The following MOB1B variants were observed in gnomAD, a reference collection of about 807,000 sequenced individuals.
MOB1B encodes the protein MOB kinase activator 1B, also known as MOB1 Mps One Binder homolog B.
In MOB1B, 19 loss-of-function variants were observed where a neutral mutation model predicts 24.4. The ratio of observed to expected loss-of-function variants is 0.78; its 90% CI spans 0.54 to 1.14. The LOEUF (loss-of-function observed/expected upper bound fraction) is 1.14, where lower values mean the gene tolerates loss of function less well. Ranked by LOEUF, MOB1B falls within the 50% of genes most tolerant of loss-of-function variation. The probability of loss-of-function intolerance (pLI) is 0.00; values close to 1 mark genes in which losing one functional copy is unlikely to be tolerated. For synonymous variants in MOB1B, 76 were observed against 82.1 expected (o/e 0.93, Z 0.40); for missense variants, 243 against 259.6 (o/e 0.94, Z 0.44).
chr4:70,934,527 C>T (rs957125437), intron 1 of MOB1B, among the ~76,000 whole-genome samples: 4 of 151,978 alleles, frequency 2.6e-5, no homozygotes. Flanking sequence ...GATCTTGGCT[C>T]ACTGCAACCT....
At chr4:70,916,761 G>T (rs1194860032) in intron 1 of MOB1B, among the ~76,000 whole-genome samples, 1 of 152,076 alleles carries the variant, frequency 6.6e-6, no homozygotes, top group Non-Finnish European at 1.5e-5. Context: ...TAGAGACGGG[G>T]TTTCACCATG....
At chr4:70,927,650 G>A (rs1355190355) in intron 1 of MOB1B, among the ~76,000 whole-genome samples, 6 of 152,172 alleles carry the variant, frequency 3.9e-5, no homozygotes, top group Non-Finnish European at 7.3e-5. Flanking sequence ...TTAGTCAGAT[G>A]CTGTTTTTAT....
chr4:70,961,780 A>G lies in MOB1B; in HGVS notation c.181+2740A>G, dbSNP rs1738314938. 2.0e-5 allele frequency among the ~76,000 whole-genome samples: 3 copies of G among 152,354 alleles called. No individual in the cohort carries two copies. The South Asian group carries it at 6.2e-4, about 32-fold the overall frequency. On this transcript the variant is annotated intron_variant, in intron 2 of 5. Transcript: ENST00000309395. Reference sequence around the variant, plus strand: ...GAATAGGGTTGGAGTCAGGACAGATACTTCCAGTCACTGGCAGTGATTCAG... The same window carrying G: ...GAATAGGGTTGGAGTCAGGACAGATGCTTCCAGTCACTGGCAGTGATTCAG...
At chr4:70,911,775 C>G (rs1269739307) in intron 1 of MOB1B, among the ~76,000 whole-genome samples, 1 of 152,106 alleles carries the variant, frequency 6.6e-6, no homozygotes, top group East Asian at 1.9e-4. Context: ...CTACATGTTA[C>G]TTGAAAAATA....
rs114530250 is a variant in MOB1B at position 70,946,430 on chromosome 4, G to A, written c.15-12444G>A. On this transcript the variant is annotated intron_variant, in intron 1 of 5. Transcript: ENST00000309395. ...ATCTAAGAGAAGACTCATATCCCTC[G>A]TAACCCACGATCTAGTGAAAGAGAG... 7.5e-3 allele frequency among the ~76,000 whole-genome samples: 1,139 copies of A among 152,132 alleles called. 13 individuals carry two copies. Among genetic ancestry groups the A allele is most frequent in the African/African-American group, 0.026 (1,099 of 41,492 alleles).
chr4:70,949,387 T>C (rs1208258616), intron 1 of MOB1B, among the ~76,000 whole-genome samples: 1 of 152,250 alleles, frequency 6.6e-6, no homozygotes, highest in South Asian at 2.1e-4. Context: ...TCATAGCTTT[T>C]AGCCTTTAGC....
At chr4:70,937,757 C>T (rs2148882835) in intron 1 of MOB1B, among the ~76,000 whole-genome samples, 1 of 151,964 alleles carries the variant, frequency 6.6e-6, no homozygotes, top group Non-Finnish European at 1.5e-5. Flanking sequence ...AACTCCTGAC[C>T]TCAGGCCGTC....
chr4:70,940,971 C>G (rs1264696466), intron 1 of MOB1B, among the ~76,000 whole-genome samples: 3 of 152,114 alleles, frequency 2.0e-5, no homozygotes, highest in African/African-American at 7.2e-5. Flanking sequence ...CCACGCCCGG[C>G]CCGGCATTAA....
chr4:70,939,829 T>C (rs1329617487), intron 1 of MOB1B, among the ~76,000 whole-genome samples: 1 of 152,216 alleles, frequency 6.6e-6, no homozygotes, highest in Admixed American at 6.5e-5. Context: ...AGTTCTTGCC[T>C]TGGTGTACAG....
chr4:70,919,259 G>A (rs1489372558), intron 1 of MOB1B, among the ~76,000 whole-genome samples: 1 of 151,016 alleles, frequency 6.6e-6, no homozygotes, highest in African/African-American at 2.4e-5. Context: ...GTATACATAA[G>A]TAACAAACCT....
chr4:70,906,866 G>A (rs1222693935), intron 1 of MOB1B, among the ~76,000 whole-genome samples: 2 of 152,150 alleles, frequency 1.3e-5, no homozygotes, highest in African/African-American at 2.4e-5. Flanking sequence ...AGGCGTAGAG[G>A]AAGATAAGAG....
intron 1 of MOB1B, among the ~76,000 whole-genome samples, chr4:70,903,916 G>T (rs1735628044): frequency 6.6e-6 from 1 of 151,468 alleles, no homozygotes; most frequent in Admixed American, 6.6e-5. Context: ...GATTGGCATA[G>T]GGCTAGATGA....
chr4:70,918,675 T>C (rs1257192804), intron 1 of MOB1B, among the ~76,000 whole-genome samples: 3 of 152,202 alleles, frequency 2.0e-5, no homozygotes, highest in Non-Finnish European at 4.4e-5. Flanking sequence ...TCTTTTGCTG[T>C]GCAGAAGCTC....
At chr4:70,969,626 T>C (rs979986435) in intron 2 of MOB1B, among the ~76,000 whole-genome samples, 4 of 152,190 alleles carry the variant, frequency 2.6e-5, no homozygotes. Context: ...CTCACATTTT[T>C]CAGCTGTGTT....
At chr4:70,903,610 G>A (rs375861157) in intron 1 of MOB1B, among the ~76,000 whole-genome samples, 1 of 152,228 alleles carries the variant, frequency 6.6e-6, no homozygotes, top group East Asian at 1.9e-4. Context: ...CTGTTGTGGA[G>A]AAATTAGCAT....
chr4:70,979,403 C>T (rs1239835608), intron 5 of MOB1B, 112 bp downstream of exon 5: 2 of 743,132 alleles, frequency 2.7e-6, no homozygotes, highest in Non-Finnish European at 4.3e-6. Flanking sequence ...TCTCTGTAGT[C>T]TGCATCCTCT....
At position 70,987,162 on chromosome 4, in the gene MOB1B, C is replaced by G. The variant is rs1739405985; in HGVS notation, c.*5105C>G. 1 of 151,998 alleles carries G rather than the reference C, an allele frequency of 6.6e-6. No homozygotes were observed. 9.4% of individuals were successfully genotyped at this position (151,998 alleles called of 1,614,324 possible). On this transcript the variant is annotated 3_prime_UTR_variant, in exon 6 of 6. Transcript: ENST00000309395. ...TTAGAGATTCTGAAGTATTTACTGT[C>G]AATTCATAGGTTTCAGTTTATTTAG... is the stretch of plus-strand genomic sequence containing the variant.
rs1258922363 is a variant in MOB1B at position 70,908,520 on chromosome 4, A to G, written c.14+5970A>G. 4.6e-5 allele frequency among the ~76,000 whole-genome samples: 7 copies of G among 150,804 alleles called. No individual in the cohort carries two copies. In the East Asian group the frequency reaches 1.4e-3, roughly 30 times the overall value. On this transcript the variant is annotated intron_variant, in intron 1 of 5. Coordinates refer to ENST00000309395, the MANE Select transcript of MOB1B (RefSeq NM_173468.4). ...CCGGGCACGGTGGCTCATGCCTGTAATCCCAGTAGTTTGGGAGGCTGAGGC... is the reference window on the plus strand; with the variant it reads ...CCGGGCACGGTGGCTCATGCCTGTAGTCCCAGTAGTTTGGGAGGCTGAGGC...
chr4:70,963,326 A>G (rs540368989), intron 2 of MOB1B, among the ~76,000 whole-genome samples: 2 of 149,610 alleles, frequency 1.3e-5, no homozygotes, highest in South Asian at 2.1e-4. Flanking sequence ...TACCACTGCA[A>G]TCCAGCCTGA....
Sources: gnomAD v4.1 joint callset for allele counts (sites outside exome capture counted in the v4.1 genomes callset) on GRCh38, gnomAD v4.1.1 for gene constraint, MANE v1.5 for transcripts, NCBI Gene and HGNC (gene_info 2026-07-23, HGNC 2026-07-21) for gene names.